GARNL3: variants seen among roughly 807,000 people sequenced by gnomAD.
GARNL3 encodes GTPase-activating Rap/Ran-GAP domain-like protein 3.
In GARNL3, 63 loss-of-function variants were observed where a neutral mutation model predicts 125.0. The observed-to-expected ratio is 0.50, with a 90% CI of 0.41 to 0.62. GARNL3 has a LOEUF of 0.62. GARNL3 is among the 20% of genes least tolerant of loss of function. The pLI is 0.00. For missense variants in GARNL3, 994 were observed against 1,244.0 expected (o/e 0.80, Z 3.02); for synonymous variants, 439 against 457.5 (o/e 0.96, Z 0.52).
chr9:127,234,674 G>A (rs1433641950), intron 1 of GARNL3, among the ~76,000 whole-genome samples: 1 of 152,204 alleles, frequency 6.6e-6, no homozygotes, highest in African/African-American at 2.4e-5. Context: ...TTTCGACTGA[G>A]TAATTTATAA....
At chr9:127,309,636 A>G (rs1257115768) in intron 2 of GARNL3, among the ~76,000 whole-genome samples, 1 of 152,214 alleles carries the variant, frequency 6.6e-6, no homozygotes, top group Non-Finnish European at 1.5e-5. Context: ...CCAGAAATGT[A>G]AGAACCTTTC....
intron 2 of GARNL3, among the ~76,000 whole-genome samples, chr9:127,293,707 T>C (rs2064496893): frequency 6.6e-6 from 1 of 152,210 alleles, no homozygotes; most frequent in African/African-American, 2.4e-5. Flanking sequence ...TGGCCTATGC[T>C]CCTCATGTAA....
exon 2 of GARNL3, chr9:127,243,152 A>G (rs1213407648): frequency 7.3e-7 from 1 of 1,366,138 alleles, no homozygotes. Context: ...GATAGCACAA[A>G]CCATTCTATG....
At position 127,301,925 on chromosome 9, in the gene GARNL3, C is replaced by CTT. The variant is rs754780368; in HGVS notation, c.220-9679_220-9678dup. ...TCTATCTTCCTTAGCATTGGGAGGA[C>CTT]TTTTTTTTTTTTTTTTTTTTTTTTT... On this transcript the variant is annotated intron_variant, in intron 2 of 27. Transcript: ENST00000373387. Among the ~76,000 whole-genome samples the CTT allele has an allele frequency of 8.5e-3, 388 of 45,450 alleles. 32 individuals carry two copies. The highest frequency in any genetic ancestry group is 0.018 in the East Asian group (23 of 1,262). 29.8% of individuals were successfully genotyped at this position (45,450 alleles called of 152,430 possible). A position where few individuals can be genotyped will look rare whatever the true frequency, so the allele number is the denominator to read the frequency against.
In GARNL3 at chr9:127,336,245, G is replaced by T; in HGVS notation, c.982+9G>T. On this transcript the variant is annotated intron_variant, in intron 11 of 27. Coordinates refer to ENST00000373387, the MANE Select transcript of GARNL3 (RefSeq NM_032293.5). ...CCGCTCCCACTTTACACGTATCCTG[G>T]GCCTTTGTAAATGCTCCAGTGTGGC... 1.3e-6 allele frequency: 2 copies of T among 1,597,938 alleles called. No individual in the cohort carries two copies. Among genetic ancestry groups the T allele is most frequent in the Non-Finnish European group, 1.7e-6 (2 of 1,166,172 alleles).
chr9:127,245,826 T>C (rs2131183262), intron 2 of GARNL3, among the ~76,000 whole-genome samples: 1 of 152,328 alleles, frequency 6.6e-6, no homozygotes, highest in South Asian at 2.1e-4. Flanking sequence ...ACGCACCGCT[T>C]GGAAGTGACA....
chr9:127,271,776 T>C (rs191947820), intron 1 of GARNL3, among the ~76,000 whole-genome samples: 1 of 150,398 alleles, frequency 6.6e-6, no homozygotes, highest in Non-Finnish European at 1.5e-5. Flanking sequence ...CTGACTCTCA[T>C]AAAACCCCGT....
chr9:127,306,741 A>AT (rs1050589161), intron 2 of GARNL3, among the ~76,000 whole-genome samples: 4 of 150,448 alleles, frequency 2.7e-5, no homozygotes, highest in Non-Finnish European at 3.0e-5. Context: ...AAAAAAAAAA[A>AT]GCTGGTGTGG....
At chr9:127,279,498 C>T (rs568102799) in intron 1 of GARNL3, among the ~76,000 whole-genome samples, 5 of 152,040 alleles carry the variant, frequency 3.3e-5, no homozygotes, top group Non-Finnish European at 5.9e-5. Flanking sequence ...TGTTTTAGTT[C>T]CCTAAAATTA....
At chr9:127,234,612 A>G (rs1588660302) in intron 1 of GARNL3, among the ~76,000 whole-genome samples, 1 of 152,244 alleles carries the variant, frequency 6.6e-6, no homozygotes, top group Middle Eastern at 3.2e-3. Context: ...AAGGCTATTC[A>G]CTGTAGGATT....
At chr9:127,299,886 T>G (rs2064730976) in intron 2 of GARNL3, among the ~76,000 whole-genome samples, 2 of 151,904 alleles carry the variant, frequency 1.3e-5, no homozygotes, top group African/African-American at 4.8e-5. Flanking sequence ...GTATTTTTAG[T>G]AGAGATGGGG....
intron 22 of GARNL3, among the ~76,000 whole-genome samples, chr9:127,381,374 CT>C (rs149452961): frequency 0.021 from 3,104 of 150,716 alleles, 115 homozygotes; most frequent in African/African-American, 0.072. Context: ...TTTTTTATTC[CT>C]TTTTTTTTCA....
chr9:127,366,868 G>A (rs1831315173), intron 22 of GARNL3: 2 of 152,250 alleles, frequency 1.3e-5, no homozygotes, highest in Non-Finnish European at 2.9e-5. Flanking sequence ...CCTTCCTTGG[G>A]AGTTCCATTT....
At chr9:127,231,035 CATATATATAT>C (rs200926096) in intron 1 of GARNL3, among the ~76,000 whole-genome samples, 152 of 55,768 alleles carry the variant, frequency 2.7e-3, no homozygotes, top group Non-Finnish European at 3.6e-3. Flanking sequence ...TGTATATATA[CATATATATAT>C]ATATATTTTT....
At chr9:127,295,550 G>A (rs2064563060) in intron 2 of GARNL3, among the ~76,000 whole-genome samples, 1 of 152,024 alleles carries the variant, frequency 6.6e-6, no homozygotes, top group African/African-American at 2.4e-5. Context: ...CAGGTTTAAG[G>A]GCTCAGTCCC....
intron 5 of GARNL3, among the ~76,000 whole-genome samples, chr9:127,318,619 G>A (rs2065305258): frequency 6.6e-6 from 1 of 152,164 alleles, no homozygotes; most frequent in Non-Finnish European, 1.5e-5. Flanking sequence ...TTAAATGGAT[G>A]GAACATCTGG....
At chr9:127,357,118 A>T in intron 20 of GARNL3, 101 bp from the exon 21 acceptor site, 1 of 1,173,020 alleles carries the variant, frequency 8.5e-7, no homozygotes, top group Non-Finnish European at 1.2e-6. Flanking sequence ...GAGCCTGGAG[A>T]GGGTGCCTTC....
In GARNL3 at chr9:127,332,292, T is replaced by C. The variant is rs1829305935; in HGVS notation, c.613T>C (p.Phe205Leu). 6.2e-7 allele frequency: 1 copy of C among 1,613,562 alleles called. No homozygotes were observed. The highest frequency in any genetic ancestry group is 8.5e-7 in the Non-Finnish European group (1 of 1,179,572). ...TCCTAAGGGCTCTGTGAATTTCAAGTTTGGGGTTCTTTTTGCCAAAGATGG... is the reference window on the plus strand; with the variant it reads ...TCCTAAGGGCTCTGTGAATTTCAAGCTTGGGGTTCTTTTTGCCAAAGATGG... ...EEQEGSVNFK[F>L]GVLFAKDGQL... is the part of the protein sequence containing the mutation. The change falls in exon 8 of 28, where the codon TTT becomes CTT. Residue 205 changes from phenylalanine (F) to leucine (L), a missense_variant. By Grantham distance (22) the Phe-to-Leu change is conservative (BLOSUM62 0). Coordinates refer to ENST00000373387, the MANE Select transcript of GARNL3 (RefSeq NM_032293.5).
chr9:127,385,937 T>G lies in GARNL3; in HGVS notation c.2388+792T>G, dbSNP rs1045353866. ...TGGAAAATGTGTGTGTGTGCACATA[T>G]GTGCATATATGTATGATATGTGTAC... On this transcript the variant is annotated intron_variant, in intron 24 of 27. Transcript: ENST00000373387. This position sits in a 1 kb window ranked among gnomAD's most constrained non-coding sequence, Gnocchi z 4.1. Among the ~76,000 whole-genome samples, 1 of 152,254 alleles carries G rather than the reference T, an allele frequency of 6.6e-6. No individual in the cohort carries two copies. The highest frequency in any genetic ancestry group is 1.5e-5 in the Non-Finnish European group (1 of 68,042).
Sources: allele counts gnomAD v4.1 joint callset (sites outside exome capture counted in the v4.1 genomes callset), GRCh38; gene constraint gnomAD v4.1.1; non-coding constraint Gnocchi (gnomAD v3.1); transcripts MANE v1.5; gene names NCBI Gene and HGNC (gene_info 2026-07-23, HGNC 2026-07-21).